Variants in SLC30A9 observed in about 807,000 individuals in gnomAD.
The protein encoded by SLC30A9 is solute carrier family 30 member 9.
Under a neutral mutation model 87.5 loss-of-function variants are expected in SLC30A9, and 58 were observed. The ratio of observed to expected loss-of-function variants is 0.66; its 90% CI spans 0.54 to 0.82. The LOEUF is 0.82. Ranked by LOEUF, SLC30A9 falls within the 40% of genes least tolerant of loss-of-function variation. The probability of loss-of-function intolerance (pLI) is 0.00; values close to 1 mark genes in which losing one functional copy is unlikely to be tolerated. For missense variants in SLC30A9, 557 were observed against 679.1 expected (o/e 0.82, Z 2.00); for synonymous variants, 234 against 233.0 (o/e 1.00, Z -0.04).
At chr4:42,033,323 T>G (rs983097817) in intron 6 of SLC30A9, among the ~76,000 whole-genome samples, 17 of 144,782 alleles carry the variant, frequency 1.2e-4, no homozygotes, top group East Asian at 5.9e-4. Flanking sequence ...AGTTTTTGGG[T>G]TTTTTTTTTA....
rs764363392 is a variant in SLC30A9, at chr4:42,065,357, C to T, written c.1072+8C>T. The T allele has an allele frequency of 7.6e-6, 10 of 1,309,648 alleles. No individual in the cohort carries two copies. The highest frequency in any genetic ancestry group is 6.7e-5 in the Admixed American group (4 of 59,518). The allele number at this position is 1,309,648 out of a possible 1,614,324, so 81.1% of individuals were successfully genotyped here. ...CATTAGTATCTGAAGGAGGTATGTACTGTCACAAAGTATGTCTCTATTCTT... is the reference window on the plus strand; with the variant it reads ...CATTAGTATCTGAAGGAGGTATGTATTGTCACAAAGTATGTCTCTATTCTT... On this transcript the variant is annotated splice_region_variant and intron_variant, in intron 12 of 17. Coordinates refer to ENST00000264451, the MANE Select transcript of SLC30A9 (RefSeq NM_006345.4).
chr4:42,041,937 C>T (rs980713020), intron 8 of SLC30A9, among the ~76,000 whole-genome samples: 6 of 152,148 alleles, frequency 3.9e-5, no homozygotes, highest in Admixed American at 2.0e-4. Flanking sequence ...GGCATTGCCT[C>T]ACCGGGGTAG....
intron 6 of SLC30A9, among the ~76,000 whole-genome samples, chr4:42,031,570 C>T (rs923485353): frequency 2.0e-5 from 3 of 152,124 alleles, no homozygotes; most frequent in Non-Finnish European, 2.9e-5. Flanking sequence ...TTGGCAGTAC[C>T]TATCTATAAG....
In SLC30A9 at chr4:42,070,392, A is replaced by C. The variant is rs1718262101; in HGVS notation, c.1253-134A>C. 6 of 628,866 alleles carry C rather than the reference A, an allele frequency of 9.5e-6. No individual in the cohort carries two copies. The Admixed American group carries it at 1.7e-4, about 18-fold the overall frequency. The allele number at this position is 628,866 out of a possible 1,614,324, so 39.0% of individuals were successfully genotyped here. On this transcript the variant is annotated intron_variant, in intron 14 of 17. Coordinates refer to ENST00000264451, the MANE Select transcript of SLC30A9 (RefSeq NM_006345.4). ...ATATTAAAACTATTAGGAGTTGTTA[A>C]AGGAAGTAATTAAAGAAATTAGGAA...
At chr4:42,008,104 T>C (rs1052835628) in intron 2 of SLC30A9, among the ~76,000 whole-genome samples, 1 of 152,208 alleles carries the variant, frequency 6.6e-6, no homozygotes, top group African/African-American at 2.4e-5. Context: ...TTCATTATGT[T>C]TCAGCCAAAG....
At chr4:42,060,956 A>C (rs983789083) in intron 10 of SLC30A9, among the ~76,000 whole-genome samples, 1 of 152,202 alleles carries the variant, frequency 6.6e-6, no homozygotes, top group Non-Finnish European at 1.5e-5. Context: ...TCCCATAAAT[A>C]ACATATTTGA....
At position 41,995,028 on chromosome 4, in the gene SLC30A9, T is replaced by A. The variant is rs1400454437; in HGVS notation, c.109+4268T>A. Among the ~76,000 whole-genome samples the A allele has an allele frequency of 2.6e-5, 4 of 151,906 alleles. No individual in the cohort carries two copies. The East Asian group carries it at 5.8e-4, about 22-fold the overall frequency. On this transcript the variant is annotated intron_variant, in intron 1 of 17. Transcript: ENST00000264451. ...ATCCCAGCACTTTGGGAGGCCAAGG[T>A]GGGCGGATCACCTGAGGTCAGGAGT... is the stretch of plus-strand genomic sequence containing the variant.
intron 2 of SLC30A9, among the ~76,000 whole-genome samples, chr4:42,013,991 G>A (rs561515065): frequency 6.6e-6 from 1 of 152,200 alleles, no homozygotes; most frequent in South Asian, 2.1e-4. Context: ...GCAAACTATT[G>A]ATCTCACCAG....
At chr4:42,015,929 AG>A (rs1715701803) in intron 2 of SLC30A9, among the ~76,000 whole-genome samples, 1 of 152,142 alleles carries the variant, frequency 6.6e-6, no homozygotes, top group Non-Finnish European at 1.5e-5. Flanking sequence ...CAATACAGGA[AG>A]GTGGTTAAGA....
intron 2 of SLC30A9, among the ~76,000 whole-genome samples, chr4:42,006,558 G>T (rs1715210669): frequency 6.6e-6 from 1 of 151,990 alleles, no homozygotes; most frequent in African/African-American, 2.4e-5. Context: ...ATAGTGGTGT[G>T]CACCTATAGT....
At chr4:41,997,056 A>ATAAATAAATAAC (rs1320816865) in intron 1 of SLC30A9, among the ~76,000 whole-genome samples, 1 of 151,346 alleles carries the variant, frequency 6.6e-6, no homozygotes, top group Non-Finnish European at 1.5e-5. Context: ...AAATAAATAA[A>ATAAATAAATAAC]TAAATAAAAA....
chr4:42,022,878 C>T lies in SLC30A9; in HGVS notation c.475C>T (p.His159Tyr). The T allele has an allele frequency of 6.2e-7, 1 of 1,601,892 alleles. No individual in the cohort carries two copies. Among genetic ancestry groups the T allele is most frequent in the Non-Finnish European group, 8.5e-7 (1 of 1,172,632 alleles). ...TCGAAAAATCAGACGACGAAGTCCCCATGAAGATACTGAGTCTTTTACTGT... is the reference window on the plus strand; with the variant it reads ...TCGAAAAATCAGACGACGAAGTCCCTATGAAGATACTGAGTCTTTTACTGT... ...QLRKIRRRSP[H>Y]EDTESFTVYL... is the part of the protein sequence containing the mutation. The change falls in exon 5 of 18, where the codon CAT becomes TAT. Residue 159 changes from histidine to tyrosine, a missense_variant. Transcript: ENST00000264451.
intron 7 of SLC30A9, 33 bp downstream of exon 7, chr4:42,035,366 G>A: frequency 1.3e-6 from 2 of 1,592,130 alleles, no homozygotes; most frequent in Non-Finnish European, 1.7e-6. Context: ...GTGTGTGTTT[G>A]TGTTGCACAG....
At chr4:42,083,098 A>ACAAAAGTTTTTTGT (rs1195285645) in intron 17 of SLC30A9, among the ~76,000 whole-genome samples, 5 of 152,172 alleles carry the variant, frequency 3.3e-5, no homozygotes, top group Non-Finnish European at 7.3e-5. Flanking sequence ...ATTAATGGAA[A>ACAAAAGTTTTTTGT]TTAGTTCATT....
chr4:42,058,024 C>G lies in SLC30A9; in HGVS notation c.841-2167C>G, dbSNP rs183869955. Among the ~76,000 whole-genome samples, 3 of 149,628 alleles carry G rather than the reference C, an allele frequency of 2.0e-5. No homozygotes were observed. In the East Asian group the frequency reaches 6.0e-4, roughly 30 times the overall value. ...GGCTGAGGCAGGATAATCGCTTGAA[C>G]CTGGGAAGCAGAGGTTACAGTAAGC... On this transcript the variant is annotated intron_variant, in intron 9 of 17. Transcript: ENST00000264451.
intron 6 of SLC30A9, chr4:42,029,853 A>G (rs1716348341): frequency 1.4e-6 from 1 of 718,482 alleles, no homozygotes; most frequent in Non-Finnish European, 2.6e-6. Context: ...TGTTCAGTGC[A>G]CTGGCTAGCA....
chr4:41,994,347 G>GTAATAAAAA (rs1714599343), intron 1 of SLC30A9, among the ~76,000 whole-genome samples: 2 of 151,790 alleles, frequency 1.3e-5, no homozygotes, highest in Non-Finnish European at 2.9e-5. Flanking sequence ...GAATAAAAAT[G>GTAATAAAAA]TTACTTAGTT....
intron 17 of SLC30A9, among the ~76,000 whole-genome samples, chr4:42,084,883 C>T (rs113703034): frequency 0.014 from 2,196 of 152,324 alleles, 57 homozygotes; most frequent in African/African-American, 0.05. Flanking sequence ...CACCTCACTA[C>T]CAAACGTAAG....
At chr4:42,021,959 C>T (rs1388503465) in intron 4 of SLC30A9, among the ~76,000 whole-genome samples, 9 of 52,326 alleles carry the variant, frequency 1.7e-4, no homozygotes, top group Non-Finnish European at 2.9e-4. Context: ...GACGGAGTCT[C>T]GCTCTGTTGC....
Sources: gnomAD v4.1 joint callset for allele counts (sites outside exome capture counted in the v4.1 genomes callset) on GRCh38, gnomAD v4.1.1 for gene constraint, MANE v1.5 for transcripts, NCBI Gene and HGNC (gene_info 2026-07-23, HGNC 2026-07-21) for gene names.